The following BAZ1A variants were observed in gnomAD, a reference collection of about 807,000 sequenced individuals.
The protein encoded by BAZ1A is bromodomain adjacent to zinc finger domain protein 1A.
In BAZ1A, 50 loss-of-function variants were observed where a neutral mutation model predicts 185.2. The ratio of observed to expected loss-of-function variants is 0.27; its 90% CI spans 0.22 to 0.34. The LOEUF (loss-of-function observed/expected upper bound fraction) is 0.34, where lower values mean the gene tolerates loss of function less well. Ranked by LOEUF, BAZ1A falls within the 10% of genes least tolerant of loss-of-function variation. The pLI, the probability that BAZ1A is intolerant of heterozygous loss-of-function variation, is 1.00. For synonymous variants in BAZ1A, 571 were observed against 615.6 expected (o/e 0.93, Z 1.07); for missense variants, 1,356 against 1,839.9 (o/e 0.74, Z 4.81).
At chr14:34,843,943 C>T (rs1359593548) in intron 3 of BAZ1A, among the ~76,000 whole-genome samples, 3 of 152,012 alleles carry the variant, frequency 2.0e-5, no homozygotes, top group Non-Finnish European at 2.9e-5. Flanking sequence ...CGGTGGCTCA[C>T]GCCTGTAATC....
chr14:34,798,919 A>G lies in BAZ1A; in HGVS notation c.1128+1305T>C, dbSNP rs1398974557. 5.3e-5 allele frequency among the ~76,000 whole-genome samples: 8 copies of G among 152,134 alleles called. No individual in the cohort carries two copies. The East Asian group carries it at 1.5e-3, about 29-fold the overall frequency. On this transcript the variant is annotated intron_variant, in intron 9 of 26. Coordinates refer to ENST00000360310, the MANE Select transcript of BAZ1A (RefSeq NM_013448.3). ...AAAGGATTATAAATCATTCTACTATAAAGTCACATGCACACATATGTTTAT... is the reference window on the plus strand; with the variant it reads ...AAAGGATTATAAATCATTCTACTATGAAGTCACATGCACACATATGTTTAT...
At chr14:34,760,881 A>G (rs1886493186) in intron 24 of BAZ1A, among the ~76,000 whole-genome samples, 1 of 152,140 alleles carries the variant, frequency 6.6e-6, no homozygotes, top group South Asian at 2.1e-4. Flanking sequence ...AAATTTTATT[A>G]CCACTTACAT....
At position 34,862,215 on chromosome 14, in the gene BAZ1A, G is replaced by C. The variant is rs1308066004; in HGVS notation, c.221C>G (p.Ala74Gly). ...TGGAAAACTCTGAAGATTCTGTCTT[G>C]CTTTTTTTTCTGACTCAAGTGCTTC... ...YQEALESEKK[A>G]RQNLQSFPEP... Residue 74 changes from alanine to glycine, a missense_variant, in exon 3 of 27, where the codon GCA becomes GGA. Transcript: ENST00000360310. 3 of 1,613,954 alleles carry C rather than the reference G, an allele frequency of 1.9e-6. No individual in the cohort carries two copies. Among genetic ancestry groups the C allele is most frequent in the Middle Eastern group, 1.6e-4 (1 of 6,082 alleles).
intron 3 of BAZ1A, among the ~76,000 whole-genome samples, chr14:34,839,943 C>CAA (rs1181344244): frequency 6.6e-6 from 1 of 150,600 alleles, no homozygotes; most frequent in Non-Finnish European, 1.5e-5. Context: ...AGAACTCTAC[C>CAA]AAAAAGGGTG....
At position 34,785,832 on chromosome 14, in the gene BAZ1A, G is replaced by A. The variant is rs769346383; in HGVS notation, c.1776C>T (p.Ser592=). 2 of 1,613,988 alleles carry A rather than the reference G, an allele frequency of 1.2e-6. No individual in the cohort carries two copies. The highest frequency in any genetic ancestry group is 1.1e-5 in the South Asian group (1 of 91,090). The change falls in exon 14 of 27, where the codon AGC becomes AGT. Residue 592 remains serine, a synonymous_variant. Coordinates refer to ENST00000360310, the MANE Select transcript of BAZ1A (RefSeq NM_013448.3). ...ACAGTTTCTTCACTAGACTGGGATT[G>A]CTCAAACGAAGCTCCATACAAGCAT... ...TDDACMELRL[S]NPSLVKKLSS...
At chr14:34,760,093 A>G (rs1394159145) in intron 24 of BAZ1A, among the ~76,000 whole-genome samples, 1 of 152,232 alleles carries the variant, frequency 6.6e-6, no homozygotes, top group East Asian at 1.9e-4. Flanking sequence ...AGGGTAGTAT[A>G]GTCCATATAT....
At chr14:34,825,489 G>A (rs1474235971) in intron 4 of BAZ1A, among the ~76,000 whole-genome samples, 1 of 147,098 alleles carries the variant, frequency 6.8e-6, no homozygotes, top group East Asian at 2.0e-4. Flanking sequence ...GGGTGGGGGA[G>A]ATGTATAAAT....
At chr14:34,868,373 G>A (rs1447486458) in intron 2 of BAZ1A, among the ~76,000 whole-genome samples, 5 of 152,102 alleles carry the variant, frequency 3.3e-5, no homozygotes, top group African/African-American at 7.2e-5. Flanking sequence ...TCTTAAGAAC[G>A]CACCTGTAAT....
chr14:34,851,320 G>A, intron 3 of BAZ1A, among the ~76,000 whole-genome samples: 1 of 133,276 alleles, frequency 7.5e-6, no homozygotes, highest in Non-Finnish European at 1.6e-5. Context: ...GCAACAGAGT[G>A]GGACCCTAGC....
At chr14:34,806,006 G>A (rs1164677248) in intron 6 of BAZ1A, among the ~76,000 whole-genome samples, 1 of 150,872 alleles carries the variant, frequency 6.6e-6, no homozygotes, top group East Asian at 1.9e-4. Context: ...CTCATCCTTG[G>A]TATTTTTTTT....
At chr14:34,856,319 T>C (rs2042677497) in intron 3 of BAZ1A, among the ~76,000 whole-genome samples, 1 of 130,810 alleles carries the variant, frequency 7.6e-6, no homozygotes, top group African/African-American at 2.8e-5. Context: ...GACCAGATCT[T>C]ACTGTCACCT....
At chr14:34,762,314 G>A in intron 23 of BAZ1A, 91 bp from the exon 24 acceptor site, 1 of 1,246,316 alleles carries the variant, frequency 8.0e-7, no homozygotes, top group Non-Finnish European at 1.1e-6. Context: ...TAGCCAATGA[G>A]TTTATACAAA....
At chr14:34,832,143 TG>T (rs2042250915) in intron 3 of BAZ1A, among the ~76,000 whole-genome samples, 1 of 149,230 alleles carries the variant, frequency 6.7e-6, no homozygotes, top group Non-Finnish European at 1.5e-5. Flanking sequence ...TCTCAGAAAA[TG>T]TAAGTATGTA....
At chr14:34,756,702 G>C (rs1439862152) in intron 25 of BAZ1A, among the ~76,000 whole-genome samples, 1 of 150,970 alleles carries the variant, frequency 6.6e-6, no homozygotes, top group Non-Finnish European at 1.5e-5. Context: ...CTGATCTTAG[G>C]TGATTCACCG....
intron 12 of BAZ1A, among the ~76,000 whole-genome samples, chr14:34,791,141 GAA>G (rs1027068947): frequency 7.5e-6 from 1 of 133,786 alleles, no homozygotes; most frequent in African/African-American, 2.8e-5. Flanking sequence ...AAAGAAAAGA[GAA>G]GAGAAAAGAG....
At chr14:34,867,189 G>C (rs1165285767) in intron 2 of BAZ1A, among the ~76,000 whole-genome samples, 2 of 152,140 alleles carry the variant, frequency 1.3e-5, no homozygotes, top group African/African-American at 4.8e-5. Flanking sequence ...AACCCGGAAG[G>C]TGGAGGTTGC....
intron 2 of BAZ1A, among the ~76,000 whole-genome samples, chr14:34,873,424 C>T (rs920100600): frequency 1.3e-5 from 2 of 152,210 alleles, no homozygotes; most frequent in Non-Finnish European, 1.5e-5. Flanking sequence ...CTAAAACACA[C>T]CCCCTTGCTC....
rs933999236 is a variant in BAZ1A at position 34,847,485 on chromosome 14, C to T, written c.392+14559G>A. ...CTAAAAATCTATACTATCTTTGAGCCGAAATAAGAAGTCCCCCTCCTGTAA... is the reference window on the plus strand; with the variant it reads ...CTAAAAATCTATACTATCTTTGAGCTGAAATAAGAAGTCCCCCTCCTGTAA... On this transcript the variant is annotated intron_variant, in intron 3 of 26. Transcript: ENST00000360310. Among the ~76,000 whole-genome samples the T allele has an allele frequency of 4.6e-5, 7 of 151,962 alleles. No individual in the cohort carries two copies. The East Asian group carries it at 5.8e-4, about 13-fold the overall frequency.
intron 3 of BAZ1A, among the ~76,000 whole-genome samples, chr14:34,843,541 C>A (rs113948845): frequency 2.0e-5 from 3 of 152,106 alleles, no homozygotes; most frequent in Non-Finnish European, 4.4e-5. Flanking sequence ...CTAGTCCTAG[C>A]CAGGTCAGCC....
Sources: allele counts gnomAD v4.1 joint callset (sites outside exome capture counted in the v4.1 genomes callset), GRCh38; gene constraint gnomAD v4.1.1; transcripts MANE v1.5; gene names NCBI Gene and HGNC (gene_info 2026-07-23, HGNC 2026-07-21).